Variants in NOP53 observed in about 807,000 individuals in gnomAD.
NOP53 encodes the protein ribosome biogenesis protein NOP53.
In NOP53, 40 loss-of-function variants were observed where a neutral mutation model predicts 61.0. The ratio of observed to expected loss-of-function variants is 0.66; its 90% CI spans 0.51 to 0.85. The LOEUF is 0.85. NOP53 is among the 40% of genes least tolerant of loss of function. NOP53 has a pLI of 0.00. For synonymous variants in NOP53, 308 were observed against 289.5 expected, an observed-to-expected ratio of 1.06 and a Z score of -0.65; for missense variants, 689 against 652.9, an observed-to-expected ratio of 1.06 and a Z score of -0.60.
At chr19:47,756,252 T>C in intron 10 of NOP53, 1 of 556,156 alleles carries the variant, frequency 1.8e-6, no homozygotes. Context: ...GCCTTCTCCC[T>C]CTGATCCAGC....
chr19:47,751,454 G>T (rs1026547915), intron 4 of NOP53, 66 bp from the exon 5 acceptor site: 26 of 1,237,916 alleles, frequency 2.1e-5, no homozygotes, highest in Middle Eastern at 1.9e-4. Context: ...GAGGGATTGG[G>T]GGGGAGCCTT....
Position 47,754,437 on chromosome 19 carries a change from C to T in NOP53, c.766-90C>T. Reference sequence around the variant, plus strand: ...CCTGGGCCGGGGCGGGATCCACGGGCACTGGATGAGGGACAGATGGGAGGT... The same window carrying T: ...CCTGGGCCGGGGCGGGATCCACGGGTACTGGATGAGGGACAGATGGGAGGT... On this transcript the variant is annotated intron_variant, in intron 6 of 12. Coordinates refer to ENST00000246802, the MANE Select transcript of NOP53 (RefSeq NM_015710.5). This position sits in a 1 kb window ranked among gnomAD's most constrained non-coding sequence, Gnocchi z 4.2. The T allele has an allele frequency of 9.9e-7, 1 of 1,010,954 alleles. No individual in the cohort carries two copies. The highest frequency in any genetic ancestry group is 1.5e-6 in the Non-Finnish European group (1 of 668,048). 62.6% of individuals were successfully genotyped at this position (1,010,954 alleles called of 1,614,324 possible).
intron 2 of NOP53, among the ~76,000 whole-genome samples, chr19:47,748,586 T>C (rs1967090678): frequency 6.6e-6 from 1 of 151,916 alleles, no homozygotes. Flanking sequence ...AGACTTCCAA[T>C]AGGCAGGTAA....
rs768651163 is a variant in NOP53 at position 47,750,908 on chromosome 19, C to T, written c.399C>T (p.Asp133=). The part of the protein sequence containing the change: ...ENTSKVPAPK[D]VLAHQVPNAK... ...ACTTGTGCCCCCTCTCCCCGACCAG[C>T]GTCCTCGCCCACCAGGTCCCCAACG... The change falls in exon 4 of 13, where the codon GAC becomes GAT. Residue 133 remains aspartate, a splice_region_variant and synonymous_variant. Transcript: ENST00000246802. The T allele has an allele frequency of 9.5e-6, 15 of 1,582,372 alleles. No homozygotes were observed. The highest frequency in any genetic ancestry group is 8.1e-5 in the African/African-American group (6 of 74,498).
At chr19:47,751,276 C>A (rs1389208185) in intron 4 of NOP53, 169 bp downstream of exon 4, 18 of 693,876 alleles carry the variant, frequency 2.6e-5, no homozygotes, top group Non-Finnish European at 3.4e-5. Context: ...CCCACTCGTG[C>A]TTTTCCTTTC....
At chr19:47,746,884 G>A (rs1445454673) in intron 1 of NOP53, 83 bp from the exon 2 acceptor site, 9 of 1,127,174 alleles carry the variant, frequency 8.0e-6, no homozygotes, top group Admixed American at 3.6e-5. Context: ...TTGACTAAGC[G>A]GAAGATGAAG....
At chr19:47,746,174 G>C (rs1967062276) in intron 1 of NOP53, 1 of 172,150 alleles carries the variant, frequency 5.8e-6, no homozygotes. Context: ...GTATATGTGT[G>C]TGTGTATATA....
chr19:47,750,693 C>T lies in NOP53; in HGVS notation c.399-215C>T, dbSNP rs78993717. On this transcript the variant is annotated intron_variant, in intron 3 of 12. Coordinates refer to ENST00000246802, the MANE Select transcript of NOP53 (RefSeq NM_015710.5). Reference sequence around the variant, plus strand: ...TGCCTGGGGTATGTCCAGGACGGGGCTGTTGCTTCGTTGAGTCTGGGGCTC... The same window carrying T: ...TGCCTGGGGTATGTCCAGGACGGGGTTGTTGCTTCGTTGAGTCTGGGGCTC... Among the ~76,000 whole-genome samples the T allele has an allele frequency of 1.5e-3, 232 of 152,118 alleles. 7 individuals carry two copies. The East Asian group carries it at 0.042, about 27-fold the overall frequency.
chr19:47,752,256 C>G (rs1053399419), intron 5 of NOP53, among the ~76,000 whole-genome samples: 4 of 152,202 alleles, frequency 2.6e-5, no homozygotes, highest in Non-Finnish European at 4.4e-5. Context: ...TTGCAGCCTC[C>G]TTCTTGAGCT....
At chr19:47,748,474 AGT>A (rs1215101431) in intron 2 of NOP53, among the ~76,000 whole-genome samples, 2 of 152,130 alleles carry the variant, frequency 1.3e-5, no homozygotes. Context: ...TGAGCAAGAG[AGT>A]GAGCTTGTGT....
chr19:47,750,237 C>T lies in NOP53; in HGVS notation c.349C>T (p.Arg117Trp), dbSNP rs761652099. 16 of 1,612,608 alleles carry T rather than the reference C, an allele frequency of 9.9e-6. No homozygotes were observed. Among genetic ancestry groups the T allele is most frequent in the East Asian group, 6.7e-5 (3 of 44,872 alleles). ...KKSLLLKKPL[R>W]VDLILENTSK... ...GTCACTGCTTCTCAAGAAACCCCTT[C>T]GGGTTGACCTCATCCTCGAGAACAC... Residue 117 changes from arginine (R) to tryptophan (W), a missense_variant, in exon 3 of 13, where the codon CGG becomes TGG. Transcript: ENST00000246802.
chr19:47,745,691 G>A lies in NOP53; in HGVS notation c.132G>A (p.Lys44=), dbSNP rs769884573. Residue 44 remains lysine, a synonymous_variant, in exon 1 of 13, where the codon AAG becomes AAA. Transcript: ENST00000246802. The stretch of plus-strand genomic sequence containing the variant: ...GGCGGCGGCGAGGCCCAAGAAATAA[G>A]AAGCGGGGCTGGCGGCGGCTTGCTC... ...LRRRRRGPRN[K]KRGWRRLAQE... 6.2e-7 allele frequency: 1 copy of A among 1,612,920 alleles called. No homozygotes were observed. The highest frequency in any genetic ancestry group is 1.1e-5 in the South Asian group (1 of 91,044).
chr19:47,755,886 C>T lies in NOP53; in HGVS notation c.1296+64C>T, dbSNP rs759894316. On this transcript the variant is annotated intron_variant, in intron 10 of 12. Coordinates refer to ENST00000246802, the MANE Select transcript of NOP53 (RefSeq NM_015710.5). Reference sequence around the variant, plus strand: ...GATGACACCATCCTTGCTCCCCGTGCCCCCCAGGGGCTATGGGCGACACCA... The same window carrying T: ...GATGACACCATCCTTGCTCCCCGTGTCCCCCAGGGGCTATGGGCGACACCA... 3 of 1,390,898 alleles carry T rather than the reference C, an allele frequency of 2.2e-6. No homozygotes were observed. In the South Asian group the frequency reaches 3.6e-5, roughly 17 times the overall value. The allele number at this position is 1,390,898 out of a possible 1,614,324, so 86.2% of individuals were successfully genotyped here. A position where few individuals can be genotyped will look rare whatever the true frequency, so the allele number is the denominator to read the frequency against.
At position 47,754,813 on chromosome 19, in the gene NOP53, T is replaced by C; in HGVS notation, c.975T>C (p.Cys325=). The C allele has an allele frequency of 2.6e-6, 4 of 1,534,422 alleles. No individual in the cohort carries two copies. The highest frequency in any genetic ancestry group is 3.5e-6 in the Non-Finnish European group (4 of 1,146,228). The part of the protein sequence containing the change: ...EGPEAGDAEV[C]PTPARLATTE... Reference sequence around the variant, plus strand: ...CGGAGGCTGGGGATGCCGAGGTCTGTCCCACGCCCGCCCGCCTGGCCACCA... The same window carrying C: ...CGGAGGCTGGGGATGCCGAGGTCTGCCCCACGCCCGCCCGCCTGGCCACCA... Residue 325 remains cysteine, a synonymous_variant, in exon 8 of 13, where the codon TGT becomes TGC. Coordinates refer to ENST00000246802, the MANE Select transcript of NOP53 (RefSeq NM_015710.5). The surrounding 1 kb of genome is among the most constrained non-coding windows in gnomAD (Gnocchi z 4.2).
intron 4 of NOP53, 134 bp downstream of exon 4, chr19:47,751,241 G>A (rs1967121522): frequency 7.0e-6 from 6 of 853,496 alleles, no homozygotes; most frequent in Non-Finnish European, 1.1e-5. Flanking sequence ...CAGCAGAGTC[G>A]TGCGTCCTGA....
chr19:47,756,696 G>A lies in NOP53; in HGVS notation c.1382G>A (p.Arg461His), dbSNP rs148148148. 6 of 1,613,750 alleles carry A rather than the reference G, an allele frequency of 3.7e-6. No individual in the cohort carries two copies. The highest frequency in any genetic ancestry group is 1.3e-5 in the African/African-American group (1 of 74,920). The change falls in exon 12 of 13, where the codon CGC becomes CAC. Residue 461 changes from arginine (R) to histidine (H), a missense_variant. Coordinates refer to ENST00000246802, the MANE Select transcript of NOP53 (RefSeq NM_015710.5). ...CATTGTCCCTGCTCCAGGTTCAAAC[G>A]CAAGTACAAGGTGAAGCTGGTGGAG... The part of the protein sequence containing the change: ...IEPRERAKFK[R>H]KYKVKLVEKR...
rs1042401 is a variant in NOP53 at position 47,745,607 on chromosome 19, C to A, written c.48C>A (p.Ser16Arg). 31,778 of 1,613,948 alleles carry A rather than the reference C, an allele frequency of 0.02. 1,528 individuals are homozygous for A. The highest frequency in any genetic ancestry group is 0.18 in the African/African-American group (13,522 of 74,962). ...TTGGTGGGAAGCGCAGCTCGAAAAG[C>A]GATGCCGATTCTGGTTTCCTGGGGC... ...SGVGGKRSSKSDADSGFLGLR... is the reference protein window; with the variant it reads ...SGVGGKRSSKRDADSGFLGLR... The change falls in exon 1 of 13, where the codon AGC becomes AGA. Residue 16 changes from serine to arginine, a missense_variant. Transcript: ENST00000246802.
At chr19:47,749,176 TG>T (rs987174943) in intron 2 of NOP53, among the ~76,000 whole-genome samples, 1 of 142,638 alleles carries the variant, frequency 7.0e-6, no homozygotes, top group Non-Finnish European at 1.5e-5. Context: ...AAAAAAAAAG[TG>T]GGGGGTTATT....
At position 47,756,614 on chromosome 19, in the gene NOP53, G is replaced by A. The variant is rs767282334; in HGVS notation, c.1373+10G>A. The A allele has an allele frequency of 2.9e-5, 47 of 1,613,528 alleles. No homozygotes were observed. In the Admixed American group the frequency reaches 6.3e-4, roughly 22 times the overall value. On this transcript the variant is annotated intron_variant, in intron 11 of 12. Coordinates refer to ENST00000246802, the MANE Select transcript of NOP53 (RefSeq NM_015710.5). ...CTCGAGAGAGAGCCAAGTAAGGGGC[G>A]GCCGGGGCTGCTGTGGGGCGAGGGC... is the stretch of plus-strand genomic sequence containing the variant.
Sources: gnomAD v4.1 joint callset for allele counts (sites outside exome capture counted in the v4.1 genomes callset) on GRCh38, gnomAD v4.1.1 for gene constraint, Gnocchi (gnomAD v3.1) non-coding constraint, MANE v1.5 for transcripts, NCBI Gene and HGNC (gene_info 2026-07-23, HGNC 2026-07-21) for gene names.